NCOA1: variants seen among roughly 807,000 people sequenced by gnomAD.
NCOA1 encodes nuclear receptor coactivator 1, also known as Hin-2 protein.
NCOA1 carries 35 observed loss-of-function variants against 150.9 expected under a neutral mutation model. The ratio of observed to expected loss-of-function variants is 0.23; its 90% CI spans 0.18 to 0.31. The LOEUF (loss-of-function observed/expected upper bound fraction) is 0.31, where lower values mean the gene tolerates loss of function less well. Ranked by LOEUF, NCOA1 falls within the 10% of genes least tolerant of loss-of-function variation. NCOA1 has a pLI of 1.00. For synonymous variants in NCOA1, 590 were observed against 630.0 expected, an observed-to-expected ratio of 0.94 and a Z score of 0.95; for missense variants, 1,491 against 1,749.3, an observed-to-expected ratio of 0.85 and a Z score of 2.63.
intron 3 of NCOA1, among the ~76,000 whole-genome samples, chr2:24,605,859 TCTC>T (rs768977483): frequency 6.6e-6 from 1 of 152,226 alleles, no homozygotes; most frequent in Non-Finnish European, 1.5e-5. Flanking sequence ...CAGTTTCTCT[TCTC>T]CCATCTTTTG....
chr2:24,624,676 T>C (rs954989489), intron 3 of NCOA1, among the ~76,000 whole-genome samples: 5 of 152,292 alleles, frequency 3.3e-5, no homozygotes, highest in South Asian at 4.1e-4. Flanking sequence ...ATTCCTTTCT[T>C]AGGGAAGTTG....
At chr2:24,695,258 A>C (rs1459924717) in intron 10 of NCOA1, among the ~76,000 whole-genome samples, 1 of 152,182 alleles carries the variant, frequency 6.6e-6, no homozygotes, top group African/African-American at 2.4e-5. Flanking sequence ...ATAAAAAATT[A>C]GCCTCTGGGC....
intron 1 of NCOA1, among the ~76,000 whole-genome samples, chr2:24,498,263 A>AT (rs1167857977): frequency 3.3e-5 from 5 of 152,232 alleles, no homozygotes; most frequent in Non-Finnish European, 7.3e-5. Context: ...GTCAAGACGT[A>AT]GTTATATGAG....
chr2:24,565,716 G>T (rs1218422073), intron 2 of NCOA1, among the ~76,000 whole-genome samples: 3 of 152,202 alleles, frequency 2.0e-5, no homozygotes, highest in Non-Finnish European at 4.4e-5. Flanking sequence ...TGCCAAGGGC[G>T]AGCGGAGCAG....
intron 4 of NCOA1, among the ~76,000 whole-genome samples, chr2:24,649,829 G>GA (rs1484327952): frequency 6.6e-6 from 1 of 152,082 alleles, no homozygotes; most frequent in African/African-American, 2.4e-5. Flanking sequence ...TTAGTCTGTG[G>GA]AATAAGCTTT....
At chr2:24,652,928 C>T (rs930016942) in intron 4 of NCOA1, among the ~76,000 whole-genome samples, 1 of 152,148 alleles carries the variant, frequency 6.6e-6, no homozygotes, top group African/African-American at 2.4e-5. Flanking sequence ...AGTTTTTCCT[C>T]ATGAGAAGTT....
chr2:24,727,014 T>A (rs1043034910), intron 15 of NCOA1, among the ~76,000 whole-genome samples: 2 of 151,588 alleles, frequency 1.3e-5, no homozygotes, highest in African/African-American at 4.8e-5. Flanking sequence ...GGTGCGCAGC[T>A]GTAATCCCAG....
chr2:24,752,098 T>G lies in NCOA1; in HGVS notation c.3823T>G (p.Ser1275Ala), dbSNP rs1664279598. The change falls in exon 20 of 23, where the codon TCC (serine) becomes GCC (alanine). Residue 1275 changes from serine to alanine, a missense_variant. By Grantham distance (99) the Ser-to-Ala change is moderately conservative (BLOSUM62 1). Around this residue, in one of 8 missense-constraint regions of NCOA1, gnomAD observed 485 missense variants for 522.8 expected, o/e 0.93. Coordinates refer to ENST00000348332, the MANE Select transcript of NCOA1 (RefSeq NM_003743.5). ...TCTTCTCCAGCAAACTCCACCTGCC[T>G]CCGGGTATCAGTCACCAGACATGAA... ...SSLLQQTPPA[S>A]GYQSPDMKAW... 6.2e-7 allele frequency: 1 copy of G among 1,613,942 alleles called. No individual in the cohort carries two copies. Among genetic ancestry groups the G allele is most frequent in the South Asian group, 1.1e-5 (1 of 91,086 alleles).
At chr2:24,535,979 G>A (rs1244121642) in intron 1 of NCOA1, among the ~76,000 whole-genome samples, 3 of 151,970 alleles carry the variant, frequency 2.0e-5, no homozygotes, top group South Asian at 4.2e-4. Context: ...GTGTACTTCC[G>A]AATTTGAATG....
At chr2:24,539,287 G>T (rs570032794) in intron 1 of NCOA1, among the ~76,000 whole-genome samples, 5 of 152,198 alleles carry the variant, frequency 3.3e-5, no homozygotes, top group Admixed American at 2.0e-4. Flanking sequence ...TTTGTACAAT[G>T]CCTAGAATAC....
intron 3 of NCOA1, among the ~76,000 whole-genome samples, chr2:24,638,629 T>C (rs1255937711): frequency 6.6e-6 from 1 of 152,216 alleles, no homozygotes; most frequent in African/African-American, 2.4e-5. Flanking sequence ...AGTTCTCTTT[T>C]CTCCACATCC....
chr2:24,640,080 C>T (rs1053111014), intron 3 of NCOA1, among the ~76,000 whole-genome samples: 1 of 151,320 alleles, frequency 6.6e-6, no homozygotes, highest in Non-Finnish European at 1.5e-5. Flanking sequence ...TCTTCTTTCA[C>T]TGTAGGTCAT....
intron 14 of NCOA1, among the ~76,000 whole-genome samples, chr2:24,722,178 A>G (rs1361940949): frequency 6.6e-6 from 1 of 152,192 alleles, no homozygotes; most frequent in Non-Finnish European, 1.5e-5. Flanking sequence ...TTAAATCTCA[A>G]TCCACCTGGT....
At chr2:24,503,741 T>G (rs985030439) in intron 1 of NCOA1, among the ~76,000 whole-genome samples, 3 of 151,522 alleles carry the variant, frequency 2.0e-5, no homozygotes, top group Admixed American at 6.6e-5. Flanking sequence ...CTGTTTTTTT[T>G]TTTTTTTTTT....
At chr2:24,705,582 T>G (rs1008091888) in intron 12 of NCOA1, among the ~76,000 whole-genome samples, 1 of 152,024 alleles carries the variant, frequency 6.6e-6, no homozygotes, top group Non-Finnish European at 1.5e-5. Context: ...GAAAGTGCTC[T>G]ATTTTCATTA....
At chr2:24,735,838 A>T (rs1173447630) in intron 17 of NCOA1, among the ~76,000 whole-genome samples, 2 of 152,214 alleles carry the variant, frequency 1.3e-5, no homozygotes, top group African/African-American at 4.8e-5. Flanking sequence ...GACCCAAGAA[A>T]TATATCCGTA....
rs1672973388 is a variant in NCOA1, at chr2:24,697,903, G to C, written c.949+105G>C. 2.4e-6 allele frequency: 3 copies of C among 1,243,780 alleles called. No individual in the cohort carries two copies. In the Admixed American group the frequency reaches 7.9e-5, roughly 33 times the overall value. The allele number at this position is 1,243,780 out of a possible 1,614,324, so 77.0% of individuals were successfully genotyped here. A position where few individuals can be genotyped will look rare whatever the true frequency, so the allele number is the denominator to read the frequency against. On this transcript the variant is annotated intron_variant, in intron 11 of 22. Coordinates refer to ENST00000348332, the MANE Select transcript of NCOA1 (RefSeq NM_003743.5). ...TGATAAGTATTTTCTCCAAATTATA[G>C]TTTTTGCAATAATCAGTTTTAGGAA...
At chr2:24,662,015 G>A (rs1295965623) in intron 5 of NCOA1, among the ~76,000 whole-genome samples, 1 of 152,062 alleles carries the variant, frequency 6.6e-6, no homozygotes, top group African/African-American at 2.4e-5. Flanking sequence ...ATCTCCTTGA[G>A]GTTTATAACT....
At chr2:24,576,149 G>GTTTTTTTTGTTT (rs1666947609) in intron 2 of NCOA1, among the ~76,000 whole-genome samples, 1 of 94,026 alleles carries the variant, frequency 1.1e-5, no homozygotes, top group East Asian at 2.8e-4. Context: ...TTTGGCCTTT[G>GTTTTTTTTGTTT]TTTTTTTTTT....
Sources: allele counts gnomAD v4.1 joint callset (sites outside exome capture counted in the v4.1 genomes callset), GRCh38; gene constraint gnomAD v4.1.1; regional missense constraint gnomAD v4.1.1; transcripts MANE v1.5; gene names NCBI Gene and HGNC (gene_info 2026-07-23, HGNC 2026-07-21).